IRAK2: variants seen among roughly 807,000 people sequenced by gnomAD.
IRAK2 encodes the protein interleukin 1 receptor associated kinase 2.
A neutral mutation model predicts 72.0 loss-of-function variants in IRAK2; 57 were observed. The ratio of observed to expected loss-of-function variants is 0.79; its 90% confidence interval spans 0.64 to 0.99. The LOEUF (loss-of-function observed/expected upper bound fraction) is 0.99. Ranked by LOEUF, IRAK2 falls within the 50% of genes least tolerant of loss-of-function variation. The pLI, the probability that IRAK2 is intolerant of heterozygous loss-of-function variation, is 0.00. For missense variants in IRAK2, 790 were observed against 794.4 expected, an observed-to-expected ratio of 0.99 and a Z score of 0.07; for synonymous variants, 293 against 312.7, an observed-to-expected ratio of 0.94 and a Z score of 0.67.
chr3:10,211,610 C>G (rs531791866), intron 4 of IRAK2, among the ~76,000 whole-genome samples: 2 of 152,020 alleles, frequency 1.3e-5, no homozygotes, highest in Non-Finnish European at 2.9e-5. Context: ...CAAAGTGAGA[C>G]CCTGTCTCAA....
rs79216420 is a variant in IRAK2, at chr3:10,194,558, G to T, written c.278-5811G>T. ...TCCTTTGCCTCATCCTGCCTTTGGTGTTCTATTTTTATTTCACTAGCTCTC... is the reference window on the plus strand; with the variant it reads ...TCCTTTGCCTCATCCTGCCTTTGGTTTTCTATTTTTATTTCACTAGCTCTC... On this transcript the variant is annotated intron_variant, in intron 2 of 12. Coordinates refer to ENST00000256458, the MANE Select transcript of IRAK2 (RefSeq NM_001570.4). Among the ~76,000 whole-genome samples, 800 of 152,292 alleles carry T rather than the reference G, an allele frequency of 5.3e-3. 19 individuals carry two copies. The highest frequency in any genetic ancestry group is 3.4e-3 in the Non-Finnish European group (234 of 68,034).
At chr3:10,221,830 A>C (rs1464122958) in intron 8 of IRAK2, among the ~76,000 whole-genome samples, 2 of 151,984 alleles carry the variant, frequency 1.3e-5, no homozygotes, top group Non-Finnish European at 1.5e-5. Context: ...CCTGGCCTGC[A>C]CTATATATCT....
At chr3:10,169,017 AAG>A (rs1559436926) in intron 1 of IRAK2, among the ~76,000 whole-genome samples, 1 of 152,160 alleles carries the variant, frequency 6.6e-6, no homozygotes, top group African/African-American at 2.4e-5. Context: ...AAAGAGTACA[AAG>A]AGAGAAATTT....
chr3:10,239,745 A>C (rs1486912510), intron 12 of IRAK2, among the ~76,000 whole-genome samples: 1 of 151,950 alleles, frequency 6.6e-6, no homozygotes, highest in Non-Finnish European at 1.5e-5. Flanking sequence ...AAAAAACAAA[A>C]AACTCAATGC....
chr3:10,165,432 GGTGTGTGT>G (rs777397782), intron 1 of IRAK2, among the ~76,000 whole-genome samples: 1 of 145,624 alleles, frequency 6.9e-6, no homozygotes, highest in Admixed American at 7.0e-5. Flanking sequence ...TTCTTGGGGG[GGTGTGTGT>G]GTGTGTGTGT....
chr3:10,183,607 G>T (rs572042687), intron 2 of IRAK2, among the ~76,000 whole-genome samples: 1 of 152,140 alleles, frequency 6.6e-6, no homozygotes, highest in Non-Finnish European at 1.5e-5. Flanking sequence ...TGTAGTCCCA[G>T]CTACTCAGGA....
At chr3:10,225,068 G>A (rs1283625081) in intron 9 of IRAK2, among the ~76,000 whole-genome samples, 4 of 151,950 alleles carry the variant, frequency 2.6e-5, no homozygotes, top group Non-Finnish European at 5.9e-5. Flanking sequence ...ATTGGCTCCT[G>A]TCCCACTTGC....
intron 8 of IRAK2, among the ~76,000 whole-genome samples, chr3:10,221,882 C>G (rs1477034908): frequency 2.0e-5 from 3 of 151,782 alleles, no homozygotes; most frequent in Non-Finnish European, 4.4e-5. Context: ...GGAGTATGTT[C>G]TCAGTGTTTG....
chr3:10,241,180 T>C (rs1575995541), intron 12 of IRAK2, among the ~76,000 whole-genome samples: 1 of 150,976 alleles, frequency 6.6e-6, no homozygotes, highest in South Asian at 2.1e-4. Flanking sequence ...GAGGACGAGG[T>C]GGGCTGATTG....
chr3:10,212,368 T>G (rs1559448434), intron 4 of IRAK2, among the ~76,000 whole-genome samples: 2 of 53,662 alleles, frequency 3.7e-5, no homozygotes, highest in African/African-American at 5.8e-5. Context: ...CCCAAGACAA[T>G]TCTTCTTCCA....
At chr3:10,211,649 G>T (rs1231138149) in intron 4 of IRAK2, among the ~76,000 whole-genome samples, 1 of 152,034 alleles carries the variant, frequency 6.6e-6, no homozygotes, top group Non-Finnish European at 1.5e-5. Context: ...TGTGTGGCAT[G>T]ATACCAGTTT....
intron 12 of IRAK2, among the ~76,000 whole-genome samples, chr3:10,240,304 A>C (rs1698031944): frequency 6.6e-6 from 1 of 150,384 alleles, no homozygotes; most frequent in African/African-American, 2.5e-5. Context: ...TAAAAATACA[A>C]AAATTAGCTG....
chr3:10,172,107 A>C (rs1461043681), intron 1 of IRAK2, among the ~76,000 whole-genome samples: 5 of 152,082 alleles, frequency 3.3e-5, no homozygotes, highest in African/African-American at 4.8e-5. Context: ...GCGGTGGCTC[A>C]TGCCTGTAAT....
intron 8 of IRAK2, among the ~76,000 whole-genome samples, chr3:10,220,595 A>G (rs970262011): frequency 3.3e-5 from 5 of 152,082 alleles, no homozygotes; most frequent in African/African-American, 1.2e-4. Flanking sequence ...GGTGCTCGCC[A>G]CCACACCCAG....
chr3:10,242,483 G>A lies in IRAK2; in HGVS notation c.*255G>A, dbSNP rs1420909336. Reference sequence around the variant, plus strand: ...TCAGAGCAGGGGATCAGAGGAGACTGAAGCAGAAACCCTGCACACGGGCCC... The same window carrying A: ...TCAGAGCAGGGGATCAGAGGAGACTAAAGCAGAAACCCTGCACACGGGCCC... On this transcript the variant is annotated 3_prime_UTR_variant, in exon 13 of 13. Coordinates refer to ENST00000256458, the MANE Select transcript of IRAK2 (RefSeq NM_001570.4). 1.6e-5 allele frequency: 4 copies of A among 253,768 alleles called. No individual in the cohort carries two copies. Among genetic ancestry groups the A allele is most frequent in the Non-Finnish European group, 2.3e-5 (3 of 133,220 alleles). The allele number at this position is 253,768 out of a possible 1,614,324, so 15.7% of individuals were successfully genotyped here.
At chr3:10,200,249 C>T in intron 2 of IRAK2, 120 bp from the exon 3 acceptor site, 1 of 863,040 alleles carries the variant, frequency 1.2e-6, no homozygotes, top group Non-Finnish European at 1.8e-6. Flanking sequence ...CGCCCTGCAA[C>T]ACCATGCATT....
In IRAK2 at chr3:10,242,277, A is replaced by G. The variant is rs781010208; in HGVS notation, c.*49A>G. Reference sequence around the variant, plus strand: ...CTTGTCCTCAGTTGGAAAGATGAGCATCAGATCAAGAAAAAGGTCTGAGGC... The same window carrying G: ...CTTGTCCTCAGTTGGAAAGATGAGCGTCAGATCAAGAAAAAGGTCTGAGGC... On this transcript the variant is annotated 3_prime_UTR_variant, in exon 13 of 13. Coordinates refer to ENST00000256458, the MANE Select transcript of IRAK2 (RefSeq NM_001570.4). 1.5e-5 allele frequency: 17 copies of G among 1,121,080 alleles called. No homozygotes were observed. 69.4% of individuals were successfully genotyped at this position (1,121,080 alleles called of 1,614,324 possible). A position where few individuals can be genotyped will look rare whatever the true frequency, so the allele number is the denominator to read the frequency against.
At chr3:10,223,679 T>A (rs561010323) in intron 9 of IRAK2, among the ~76,000 whole-genome samples, 1 of 152,374 alleles carries the variant, frequency 6.6e-6, no homozygotes, top group East Asian at 1.9e-4. Context: ...CTCATTTGAC[T>A]ATGGAACCTT....
In IRAK2 at chr3:10,186,118, C is replaced by T. The variant is rs540832847; in HGVS notation, c.277+8098C>T. On this transcript the variant is annotated intron_variant, in intron 2 of 12. Coordinates refer to ENST00000256458, the MANE Select transcript of IRAK2 (RefSeq NM_001570.4). ...AACACTGCTCTGATACCTGGTCCTC[C>T]GTGATTTCTGGGAAGTGGAGCTTCC... Among the ~76,000 whole-genome samples the T allele has an allele frequency of 7.3e-5, 11 of 151,658 alleles. No individual in the cohort carries two copies. The South Asian group carries it at 1.3e-3, about 17-fold the overall frequency.
Sources: allele counts gnomAD v4.1 joint callset (sites outside exome capture counted in the v4.1 genomes callset), GRCh38; gene constraint gnomAD v4.1.1; transcripts MANE v1.5; gene names NCBI Gene and HGNC (gene_info 2026-07-23, HGNC 2026-07-21).